Variants in APOL4 observed in about 807,000 individuals in gnomAD.
APOL4 encodes apolipoprotein L4, also known as apolipoprotein L, 4.
APOL4 carries 14 observed loss-of-function variants against 12.1 expected under a neutral mutation model. The observed-to-expected ratio is 1.16, with a 90% confidence interval of 0.76 to 1.81. The LOEUF (loss-of-function observed/expected upper bound fraction) is 1.81, where lower values mean the gene tolerates loss of function less well. APOL4 is among the 40% of genes most tolerant of loss of function. The pLI is 0.00. For synonymous variants in APOL4, 171 were observed against 160.6 expected (o/e 1.06, Z -0.49); for missense variants, 432 against 423.1 (o/e 1.02, Z -0.18).
At chr22:36,196,809 C>A (rs111993715) in intron 2 of APOL4, among the ~76,000 whole-genome samples, 1 of 152,164 alleles carries the variant, frequency 6.6e-6, no homozygotes, top group African/African-American at 2.4e-5. Context: ...TCAAGGCCAG[C>A]GTTCCCTTGC....
chr22:36,199,288 A>G (rs1172411352), intron 2 of APOL4, 42 bp downstream of exon 2: 1 of 1,612,886 alleles, frequency 6.2e-7, no homozygotes, highest in Admixed American at 1.7e-5. Flanking sequence ...GCCAGGGAAG[A>G]GGAGGCGAGC....
At chr22:36,200,828 A>G (rs1177818732) in intron 1 of APOL4, among the ~76,000 whole-genome samples, 1 of 152,248 alleles carries the variant, frequency 6.6e-6, no homozygotes, top group Non-Finnish European at 1.5e-5. Context: ...GACAAAAAAT[A>G]TATACACAAC....
chr22:36,194,710 A>G (rs1292899565), intron 3 of APOL4, among the ~76,000 whole-genome samples: 2 of 151,822 alleles, frequency 1.3e-5, no homozygotes, highest in East Asian at 3.9e-4. Context: ...GCTCTGTCCA[A>G]CTCCATTCCA....
chr22:36,190,881 G>T lies in APOL4; in HGVS notation c.*194C>A. On this transcript the variant is annotated 3_prime_UTR_variant, in exon 4 of 4. Coordinates refer to ENST00000683024, the MANE Select transcript of APOL4 (RefSeq NM_001386885.1). Reference sequence around the variant, plus strand: ...AAGAAATCACAAGGGTATTGATTGGGGAAGTGATCAGTGTCCATGAAATCT... The same window carrying T: ...AAGAAATCACAAGGGTATTGATTGGTGAAGTGATCAGTGTCCATGAAATCT... The T allele has an allele frequency of 1.7e-6, 1 of 591,404 alleles. No individual in the cohort carries two copies. The allele number at this position is 591,404 out of a possible 1,614,324, so 36.6% of individuals were successfully genotyped here.
At chr22:36,204,426 C>T (rs558365111), upstream of APOL4, among the ~76,000 whole-genome samples, 12 of 152,270 alleles carry the variant, frequency 7.9e-5, no homozygotes, top group Admixed American at 2.6e-4. Context: ...CCTCTCTCTA[C>T]GGTTTAAGGG....
intron 3 of APOL4, chr22:36,195,109 C>G: frequency 1.7e-6 from 1 of 578,814 alleles, no homozygotes; most frequent in Non-Finnish European, 2.8e-6. Context: ...CCCTTGTGGG[C>G]TTCTTCTCCC....
intron 3 of APOL4, 73 bp downstream of exon 3, chr22:36,195,238 A>G: frequency 1.3e-6 from 2 of 1,549,224 alleles, no homozygotes; most frequent in Non-Finnish European, 8.7e-7. Flanking sequence ...TGTGCCTGCC[A>G]GAGAAAACTA....
At chr22:36,204,585 G>A (rs780857217), upstream of APOL4, 9 of 357,578 alleles carry the variant, frequency 2.5e-5, no homozygotes, top group African/African-American at 4.3e-5. Flanking sequence ...GAGCTATTGC[G>A]AGAATAAGGA....
chr22:36,196,116 T>C (rs931635283), intron 2 of APOL4, among the ~76,000 whole-genome samples: 1 of 152,248 alleles, frequency 6.6e-6, no homozygotes, highest in Non-Finnish European at 1.5e-5. Context: ...ACGGGAAATA[T>C]TCCAGTGATC....
upstream of APOL4, among the ~76,000 whole-genome samples, chr22:36,202,750 AAAAG>A (rs976843141): frequency 6.6e-6 from 1 of 152,070 alleles, no homozygotes; most frequent in Non-Finnish European, 1.5e-5. Flanking sequence ...AAAAAAAAGA[AAAAG>A]AAAAATAAGA....
intron 2 of APOL4, among the ~76,000 whole-genome samples, chr22:36,199,052 T>A (rs546921494): frequency 6.6e-6 from 1 of 152,292 alleles, no homozygotes; most frequent in African/African-American, 2.4e-5. Context: ...CTGCCCCACT[T>A]AAGTCATTTG....
upstream of APOL4, among the ~76,000 whole-genome samples, chr22:36,202,313 G>T (rs1033988711): frequency 2.0e-5 from 3 of 152,130 alleles, no homozygotes; most frequent in Admixed American, 2.0e-4. Flanking sequence ...CATCTCCTGT[G>T]TTTCTCAGGC....
At chr22:36,195,561 G>T in intron 2 of APOL4, 124 bp from the exon 3 acceptor site, 1 of 1,098,278 alleles carries the variant, frequency 9.1e-7, no homozygotes, top group Non-Finnish European at 1.3e-6. Context: ...TTTTGATGGA[G>T]GCACCAGTGC....
Position 36,191,727 on chromosome 22 carries a change from T to G in APOL4, c.395A>C (p.Lys132Thr). Residue 132 changes from lysine (K) to threonine (T), a missense_variant, in exon 4 of 4, where the codon AAG (lysine) becomes ACG (threonine). Transcript: ENST00000683024. ...GGCGATGACGCAGCCTCTGTGGACC[T>G]TTTCAATCTCATTTGCAATGACACG... Reference protein sequence around the residue: ...RLRVIANEIEKVHRGCVIANV... With the variant: ...RLRVIANEIETVHRGCVIANV... 3 of 1,614,058 alleles carry G rather than the reference T, an allele frequency of 1.9e-6. No homozygotes were observed. The highest frequency in any genetic ancestry group is 2.5e-6 in the Non-Finnish European group (3 of 1,179,898).
intron 2 of APOL4, chr22:36,197,594 A>T (rs6000178): frequency 0.39 from 578,025 of 1,478,472 alleles, 117,823 homozygotes; most frequent in Middle Eastern, 0.43. Flanking sequence ...CCCCCATGAA[A>T]CTGCAAGCTA....
chr22:36,199,554 A>G (rs1402116592), intron 1 of APOL4, 178 bp from the exon 2 acceptor site: 3 of 1,575,700 alleles, frequency 1.9e-6, no homozygotes, highest in Admixed American at 1.9e-5. Flanking sequence ...CAGACACTCA[A>G]CTCATTCCAG....
intron 1 of APOL4, 104 bp downstream of exon 1, chr22:36,201,596 C>T: frequency 1.8e-6 from 2 of 1,099,956 alleles, no homozygotes; most frequent in South Asian, 3.0e-5. Context: ...CTGTGTGACC[C>T]CCTAGGCCAA....
Position 36,191,168 on chromosome 22 carries a change from G to T in APOL4, c.954C>A (p.Ser318=), listed in dbSNP as rs543104175. Residue 318 remains serine (S), a synonymous_variant, in exon 4 of 4, where the codon TCC becomes TCA. Transcript: ENST00000683024. ...ACTGCCTCAGCGACTCAGCAGACTC[G>T]GATTTTGCCCCCTTGTGCAAGTCCA... ...DSLDLHKGAK[S]ESAESLRQWA... is the part of the protein sequence containing the mutation. 1.2e-5 allele frequency: 19 copies of T among 1,612,822 alleles called. No homozygotes were observed. In the East Asian group the frequency reaches 3.8e-4, roughly 32 times the overall value.
chr22:36,196,863 T>C (rs1335423752), intron 2 of APOL4, among the ~76,000 whole-genome samples: 4 of 152,172 alleles, frequency 2.6e-5, no homozygotes, highest in African/African-American at 4.8e-5. Flanking sequence ...GCCTGTGGTT[T>C]CTGCATTCTC....
Sources: gnomAD v4.1 joint callset for allele counts (sites outside exome capture counted in the v4.1 genomes callset) on GRCh38, gnomAD v4.1.1 for gene constraint, MANE v1.5 for transcripts, NCBI Gene and HGNC (gene_info 2026-07-23, HGNC 2026-07-21) for gene names.